TASP1: variants seen among roughly 807,000 people sequenced by gnomAD.
The protein encoded by TASP1 is threonine aspartase 1.
In TASP1, 16 loss-of-function variants were observed where a neutral mutation model predicts 56.6. The ratio of observed to expected loss-of-function variants is 0.28; its 90% CI spans 0.19 to 0.43. The LOEUF (loss-of-function observed/expected upper bound fraction) is 0.43. TASP1 is among the 20% of genes least tolerant of loss of function. The pLI is 1.00. For missense variants in TASP1, 393 were observed against 511.6 expected (o/e 0.77, Z 2.24); for synonymous variants, 179 against 184.2 (o/e 0.97, Z 0.23).
chr20:13,566,744 C>A (rs1317102471), intron 7 of TASP1, among the ~76,000 whole-genome samples: 1 of 152,126 alleles, frequency 6.6e-6, no homozygotes, highest in African/African-American at 2.4e-5. Flanking sequence ...CTATCTCACA[C>A]CAGTCAGAAT....
chr20:13,221,982 T>TA, the TASP1 span: 1 of 1,254,962 alleles, frequency 8.0e-7, no homozygotes, highest in Non-Finnish European at 1.0e-6. Flanking sequence ...GGTGCTGAGC[T>TA]AGTGCCGGGT....
chr20:13,273,242 T>TTTATTTTATTTTA, the TASP1 span, among the ~76,000 whole-genome samples: 1 of 150,652 alleles, frequency 6.6e-6, no homozygotes, highest in Non-Finnish European at 1.5e-5. Context: ...TTTATTTTAT[T>TTTATTTTATTTTA]TTATTTTATT....
the TASP1 span, among the ~76,000 whole-genome samples, chr20:13,234,320 T>G: frequency 2.0e-5 from 3 of 152,374 alleles, no homozygotes; most frequent in African/African-American, 7.2e-5. Context: ...CTAAGTAGTA[T>G]TCCATGGTAT....
chr20:13,373,473 G>A, the TASP1 span, among the ~76,000 whole-genome samples: 1 of 129,736 alleles, frequency 7.7e-6, no homozygotes, highest in Non-Finnish European at 1.6e-5. Context: ...TTTTTTTTCT[G>A]GATATGTCTT....
chr20:13,179,406 C>CGTGGGTGTGT, the TASP1 span, among the ~76,000 whole-genome samples: 1 of 143,404 alleles, frequency 7.0e-6, no homozygotes. Flanking sequence ...GAATTATGTG[C>CGTGGGTGTGT]GTGTGTGTGT....
At chr20:13,234,286 A>C in the TASP1 span, among the ~76,000 whole-genome samples, 1 of 152,176 alleles carries the variant, frequency 6.6e-6, no homozygotes, top group East Asian at 1.9e-4. Context: ...GCTGCGAGAG[A>C]CATGACTTCA....
At chr20:13,300,682 G>A in the TASP1 span, 1 of 152,138 alleles carries the variant, frequency 6.6e-6, no homozygotes, top group African/African-American at 2.4e-5. Context: ...TGATACAAAT[G>A]CCATAAATAG....
chr20:13,336,704 A>G, the TASP1 span, among the ~76,000 whole-genome samples: 4,619 of 152,312 alleles, frequency 0.03, 207 homozygotes, highest in African/African-American at 0.1. Flanking sequence ...TCTACAAATT[A>G]TGTACCCAGC....
chr20:13,245,602 G>A, the TASP1 span, among the ~76,000 whole-genome samples: 2 of 152,158 alleles, frequency 1.3e-5, no homozygotes, highest in African/African-American at 4.8e-5. Context: ...GCCCATTCCT[G>A]TGTGTCCCAA....
At chr20:13,319,924 G>A in the TASP1 span, among the ~76,000 whole-genome samples, 624 of 152,284 alleles carry the variant, frequency 4.1e-3, 1 homozygote, top group Middle Eastern at 0.017. Context: ...TGGGAAACAG[G>A]GACAGGGCAG....
chr20:13,617,714 C>A (rs972098122), intron 4 of TASP1, among the ~76,000 whole-genome samples: 1 of 152,132 alleles, frequency 6.6e-6, no homozygotes, highest in African/African-American at 2.4e-5. Context: ...AAAGCAGATG[C>A]CCCTCCTTTT....
At chr20:13,578,500 A>G (rs1192280992) in intron 6 of TASP1, among the ~76,000 whole-genome samples, 1 of 152,098 alleles carries the variant, frequency 6.6e-6, no homozygotes, top group Non-Finnish European at 1.5e-5. Flanking sequence ...CACTTGTCAT[A>G]TGTTTCAATA....
intron 9 of TASP1, among the ~76,000 whole-genome samples, chr20:13,531,782 TC>T (rs781086838): frequency 2.6e-5 from 4 of 152,086 alleles, no homozygotes; most frequent in Middle Eastern, 3.4e-3. Flanking sequence ...TCTTGCCTTA[TC>T]CCCCCCAACT....
At chr20:13,303,197 G>T in the TASP1 span, among the ~76,000 whole-genome samples, 1 of 152,166 alleles carries the variant, frequency 6.6e-6, no homozygotes, top group East Asian at 1.9e-4. Flanking sequence ...CAAAGCCCAG[G>T]CTCTTAAACC....
At chr20:13,150,363 C>CAT in the TASP1 span, among the ~76,000 whole-genome samples, 7 of 152,100 alleles carry the variant, frequency 4.6e-5, no homozygotes, top group East Asian at 3.9e-4. Context: ...TGTGTCTAAG[C>CAT]ATATATATAT....
chr20:13,249,800 GTTTTGTTTTGTTTT>G, the TASP1 span, among the ~76,000 whole-genome samples: 1 of 114,758 alleles, frequency 8.7e-6, no homozygotes. Flanking sequence ...GTTTTGTTTT[GTTTTGTTTTGTTTT>G]GTTTTGTTTT....
chr20:13,595,323 G>A (rs538281316), intron 4 of TASP1, among the ~76,000 whole-genome samples: 89 of 152,172 alleles, frequency 5.8e-4, no homozygotes, highest in Middle Eastern at 3.4e-3. Flanking sequence ...ATCAATTAAC[G>A]GCAAAATAAC....
chr20:13,509,838 G>C (rs2044262506), intron 10 of TASP1, among the ~76,000 whole-genome samples: 5 of 152,134 alleles, frequency 3.3e-5, no homozygotes, highest in Admixed American at 3.3e-4. Context: ...ATATTGGACA[G>C]GCTGGTCTCA....
the TASP1 span, among the ~76,000 whole-genome samples, chr20:13,310,506 T>C: frequency 1.3e-5 from 2 of 152,196 alleles, no homozygotes; most frequent in Admixed American, 6.5e-5. Flanking sequence ...GTATTGACAT[T>C]GGTCTTGGCA....
Sources: gnomAD v4.1 joint callset for allele counts (sites outside exome capture counted in the v4.1 genomes callset) on GRCh38, gnomAD v4.1.1 for gene constraint, MANE v1.5 for transcripts, NCBI Gene and HGNC (gene_info 2026-07-23, HGNC 2026-07-21) for gene names.